The following SPTY2D1 variants were observed in gnomAD, a reference collection of about 807,000 sequenced individuals.
The protein encoded by SPTY2D1 is SPT2 chromatin protein domain containing 1, also known as protein SPT2 homolog.
Under a neutral mutation model 64.0 loss-of-function variants are expected in SPTY2D1, and 21 were observed. That is an observed-to-expected ratio of 0.33 (90% confidence interval 0.23 to 0.47). SPTY2D1 has a LOEUF of 0.47. Among genes scored for constraint, SPTY2D1 ranks in the 20% least tolerant of loss-of-function variants. The probability of loss-of-function intolerance (pLI) is 1.00; values close to 1 mark genes in which losing one functional copy is unlikely to be tolerated. For missense variants in SPTY2D1, 724 were observed against 837.2 expected, an observed-to-expected ratio of 0.86 and a Z score of 1.67; for synonymous variants, 287 against 286.8, an observed-to-expected ratio of 1.00 and a Z score of -0.01.
At position 18,615,104 on chromosome 11, in the gene SPTY2D1, T is replaced by C. The variant is rs753984850; in HGVS notation, c.1170A>G (p.Thr390=). ...GQPSTGVARP[T]VSSGPVPRRQ... is the part of the protein sequence containing the mutation. ...GCCTAGGCACAGGGCCAGAACTAAC[T>C]GTGGGTCGAGCAACCCCTGTGCTGG... The change falls in exon 3 of 6, where the codon ACA becomes ACG. Residue 390 remains threonine, a synonymous_variant. Transcript: ENST00000336349. The C allele has an allele frequency of 2.5e-6, 4 of 1,614,192 alleles. No individual in the cohort carries two copies. The highest frequency in any genetic ancestry group is 1.1e-5 in the South Asian group (1 of 91,090).
intron 1 of SPTY2D1, 26 bp from the exon 2 acceptor site, chr11:18,617,015 G>A: frequency 6.3e-7 from 1 of 1,595,058 alleles, no homozygotes; most frequent in Non-Finnish European, 8.6e-7. Flanking sequence ...GTAAAAGTTA[G>A]AAGCAATTCA....
chr11:18,625,904 C>T lies in SPTY2D1; in HGVS notation c.60+8294G>A, dbSNP rs1205815415. ...GGTCTCGGCTCACTGCAACCTCCAC[C>T]TCCTGGGTTCAAGCAATTCTCCTGC... On this transcript the variant is annotated intron_variant, in intron 1 of 5. Transcript: ENST00000336349. 2.0e-5 allele frequency among the ~76,000 whole-genome samples: 3 copies of T among 151,920 alleles called. No individual in the cohort carries two copies. In the East Asian group the frequency reaches 5.8e-4, roughly 29 times the overall value.
intron 5 of SPTY2D1, among the ~76,000 whole-genome samples, chr11:18,610,667 T>TAAAAAAAAAAAAAAA (rs58363516): frequency 1.2e-4 from 12 of 96,688 alleles, no homozygotes; most frequent in East Asian, 3.4e-4. Flanking sequence ...CCCTGTCTCT[T>TAAAAAAAAAAAAAAA]AAAAAAAAAA....
At chr11:18,625,686 G>A (rs1300097225) in intron 1 of SPTY2D1, among the ~76,000 whole-genome samples, 1 of 151,490 alleles carries the variant, frequency 6.6e-6, no homozygotes. Flanking sequence ...TTAGCTTCCC[G>A]AGTAACTGGG....
chr11:18,622,609 A>G (rs1011548179), intron 1 of SPTY2D1, among the ~76,000 whole-genome samples: 4 of 152,132 alleles, frequency 2.6e-5, no homozygotes, highest in Admixed American at 6.5e-5. Flanking sequence ...TTTGATATAC[A>G]GTTGACCTTT....
Position 18,609,412 on chromosome 11 carries a change from T to C in SPTY2D1, c.*449A>G, listed in dbSNP as rs1216827637. On this transcript the variant is annotated 3_prime_UTR_variant, in exon 6 of 6. Coordinates refer to ENST00000336349, the MANE Select transcript of SPTY2D1 (RefSeq NM_194285.3). The stretch of plus-strand genomic sequence containing the variant: ...CAAGTCACTTTATTGCTGGCAACAT[T>C]CATGGAAGGTCCAGGTTTCTCATAA... 6.3e-6 allele frequency: 1 copy of C among 157,898 alleles called. No individual in the cohort carries two copies. The highest frequency in any genetic ancestry group is 1.4e-5 in the Non-Finnish European group (1 of 71,132). 9.8% of individuals were successfully genotyped at this position (157,898 alleles called of 1,614,324 possible).
chr11:18,608,021 AGGG>A lies in SPTY2D1; in HGVS notation c.*1837_*1839del, dbSNP rs1050532180. On this transcript the variant is annotated 3_prime_UTR_variant, in exon 6 of 6. Coordinates refer to ENST00000336349, the MANE Select transcript of SPTY2D1 (RefSeq NM_194285.3). Reference sequence around the variant, plus strand: ...TATATATCCAATAAAAAATTTTTGAAGGGGGAATAAAAGCACATAAATGGCAGC... The same window carrying A: ...TATATATCCAATAAAAAATTTTTGAAGGAATAAAAGCACATAAATGGCAGC... The A allele has an allele frequency of 2.6e-5, 4 of 152,572 alleles. No homozygotes were observed. The highest frequency in any genetic ancestry group is 9.7e-5 in the African/African-American group (4 of 41,446). 9.5% of individuals were successfully genotyped at this position (152,572 alleles called of 1,614,324 possible). A position where few individuals can be genotyped will look rare whatever the true frequency, so the allele number is the denominator to read the frequency against.
chr11:18,611,559 T>TA lies in SPTY2D1; in HGVS notation c.1887-6dup. On this transcript the variant is annotated splice_region_variant and splice_polypyrimidine_tract_variant and intron_variant, in intron 4 of 5. Coordinates refer to ENST00000336349, the MANE Select transcript of SPTY2D1 (RefSeq NM_194285.3). ...TAATCACTTTCATCTTTGTATCTGA[T>TA]AAAAGGAAATCAAAATGATAAAAAG... 1 of 1,611,034 alleles carries TA rather than the reference T, an allele frequency of 6.2e-7. No homozygotes were observed. The highest frequency in any genetic ancestry group is 8.5e-7 in the Non-Finnish European group (1 of 1,178,536).
At chr11:18,610,686 AAAC>A (rs1554987437) in intron 5 of SPTY2D1, among the ~76,000 whole-genome samples, 4 of 147,294 alleles carry the variant, frequency 2.7e-5, no homozygotes, top group East Asian at 2.0e-4. Context: ...AAAAAAAAAA[AAAC>A]AACAATACTA....
chr11:18,621,984 G>A (rs548442002), intron 1 of SPTY2D1, among the ~76,000 whole-genome samples: 1 of 149,514 alleles, frequency 6.7e-6, no homozygotes, highest in Admixed American at 6.7e-5. Flanking sequence ...CTACTCGGGA[G>A]GCTGAGGCAG....
chr11:18,617,164 T>C (rs1854312111), intron 1 of SPTY2D1, among the ~76,000 whole-genome samples, 175 bp from the exon 2 acceptor site: 1 of 152,196 alleles, frequency 6.6e-6, no homozygotes, highest in Non-Finnish European at 1.5e-5. Flanking sequence ...TCAGACTATT[T>C]ATTACGTATG....
chr11:18,618,219 A>G (rs1854332622), intron 1 of SPTY2D1, among the ~76,000 whole-genome samples: 1 of 152,170 alleles, frequency 6.6e-6, no homozygotes, highest in Non-Finnish European at 1.5e-5. Flanking sequence ...AAGCATTTCA[A>G]AAAATCTATG....
chr11:18,615,527 C>A lies in SPTY2D1; in HGVS notation c.747G>T (p.Arg249Ser). The A allele has an allele frequency of 6.2e-7, 1 of 1,614,150 alleles. No homozygotes were observed. Residue 249 changes from arginine (R) to serine (S), a missense_variant, in exon 3 of 6, where the codon AGG becomes AGT. Around this residue, in one of 3 missense-constraint regions of SPTY2D1, gnomAD observed 426 missense variants for 431.8 expected, o/e 0.99. Transcript: ENST00000336349. ...GGGGCATTCCTTTGGAAGAAGGATG[C>A]CTGTCTCCAGAACCTTTGCTAAGTT... ...GTKLSKGSGD[R>S]HPSSKGMPLP...
chr11:18,606,847 G>A lies in SPTY2D1; in HGVS notation c.*3014C>T, dbSNP rs1490615646. The A allele has an allele frequency of 1.1e-5, 4 of 363,680 alleles. No individual in the cohort carries two copies. The highest frequency in any genetic ancestry group is 6.0e-5 in the South Asian group (3 of 49,598). 22.5% of individuals were successfully genotyped at this position (363,680 alleles called of 1,614,324 possible). ...AAATCTTGGGGATTACATTAAAAAT[G>A]AAAATTTGAGTTCCCACATTCTTTT... On this transcript the variant is annotated 3_prime_UTR_variant, in exon 6 of 6. Transcript: ENST00000336349.
rs772527232 is a variant in SPTY2D1 at position 18,616,979 on chromosome 11, C to T, written c.71G>A (p.Ser24Asn). 5 of 1,613,964 alleles carry T rather than the reference C, an allele frequency of 3.1e-6. No homozygotes were observed. The South Asian group carries it at 3.3e-5, about 11-fold the overall frequency. ...QGVNNVPKRY[S>N]LAVGPPKKDP... ...TTTTTTTGGAGGCCCCACTGCCAAA[C>T]TATACCTTTTCTAAAAACAAAAACA... Residue 24 changes from serine to asparagine, a missense_variant, in exon 2 of 6, where the codon AGT becomes AAT. Around this residue, in one of 3 missense-constraint regions of SPTY2D1, gnomAD observed 179 missense variants for 232.5 expected, o/e 0.77. Coordinates refer to ENST00000336349, the MANE Select transcript of SPTY2D1 (RefSeq NM_194285.3).
intron 4 of SPTY2D1, among the ~76,000 whole-genome samples, 161 bp from the exon 5 acceptor site, chr11:18,611,715 T>C (rs1854209291): frequency 6.6e-6 from 1 of 152,204 alleles, no homozygotes; most frequent in Non-Finnish European, 1.5e-5. Flanking sequence ...GGAGGATGGA[T>C]AGGTTTCTGA....
chr11:18,614,493 G>A (rs1854256088), intron 3 of SPTY2D1, 70 bp downstream of exon 3: 4 of 1,459,752 alleles, frequency 2.7e-6, no homozygotes, highest in Non-Finnish European at 3.7e-6. Flanking sequence ...AAGGGTCCCT[G>A]ATAATATAAA....
intron 1 of SPTY2D1, among the ~76,000 whole-genome samples, chr11:18,628,936 T>C (rs1854541979): frequency 6.6e-6 from 1 of 152,182 alleles, no homozygotes; most frequent in African/African-American, 2.4e-5. Flanking sequence ...ATTTACATTA[T>C]CTACCTGGCC....
chr11:18,615,119 C>T lies in SPTY2D1; in HGVS notation c.1155G>A (p.Gly385=). 2 of 1,614,164 alleles carry T rather than the reference C, an allele frequency of 1.2e-6. No individual in the cohort carries two copies. The highest frequency in any genetic ancestry group is 1.7e-6 in the Non-Finnish European group (2 of 1,180,028). Residue 385 remains glycine (G), a synonymous_variant, in exon 3 of 6, where the codon GGG becomes GGA. Transcript: ENST00000336349. ...CAGAACTAACTGTGGGTCGAGCAAC[C>T]CCTGTGCTGGGCTGCCCAGGGGCTG... ...SSSAPGQPST[G]VARPTVSSGP... is the part of the protein sequence containing the mutation.
Sources: gnomAD v4.1 joint callset for allele counts (sites outside exome capture counted in the v4.1 genomes callset) on GRCh38, gnomAD v4.1.1 for gene constraint, gnomAD v4.1.1 regional missense constraint, MANE v1.5 for transcripts, NCBI Gene and HGNC (gene_info 2026-07-23, HGNC 2026-07-21) for gene names.